The following DDX4 variants were observed in gnomAD, a reference collection of about 807,000 sequenced individuals.
DDX4 encodes the protein probable ATP-dependent RNA helicase DDX4.
Under a neutral mutation model 100.0 loss-of-function variants are expected in DDX4, and 25 were observed. The ratio of observed to expected loss-of-function variants is 0.25; its 90% CI spans 0.18 to 0.35. The LOEUF (loss-of-function observed/expected upper bound fraction) is 0.35, where lower values mean the gene tolerates loss of function less well. DDX4 is among the 10% of genes least tolerant of loss of function. The pLI, the probability that DDX4 is intolerant of heterozygous loss-of-function variation, is 1.00. For synonymous variants in DDX4, 259 were observed against 275.7 expected (o/e 0.94, Z 0.60); for missense variants, 635 against 882.4 (o/e 0.72, Z 3.55).
intron 17 of DDX4, among the ~76,000 whole-genome samples, chr5:55,793,296 G>A (rs919472767): frequency 3.3e-5 from 5 of 152,084 alleles, no homozygotes; most frequent in African/African-American, 1.2e-4. Flanking sequence ...CTGGAATGGT[G>A]ACTCTTTTTC....
At chr5:55,775,386 A>G (rs1217735143) in intron 7 of DDX4, among the ~76,000 whole-genome samples, 1 of 152,174 alleles carries the variant, frequency 6.6e-6, no homozygotes, top group African/African-American at 2.4e-5. Context: ...TTGCCGGGAG[A>G]TGGAACTAGG....
At chr5:55,788,384 A>C (rs1334517848) in intron 15 of DDX4, among the ~76,000 whole-genome samples, 1 of 152,162 alleles carries the variant, frequency 6.6e-6, no homozygotes, top group Non-Finnish European at 1.5e-5. Flanking sequence ...GTTGAGGCAG[A>C]AGGATTGTTT....
At chr5:55,763,958 G>A in intron 5 of DDX4, 56 bp from the exon 6 acceptor site, 2 of 1,250,544 alleles carry the variant, frequency 1.6e-6, no homozygotes, top group Non-Finnish European at 2.3e-6. Context: ...TTCCTGTGTG[G>A]TTATCATTTT....
chr5:55,793,509 A>G (rs746739557), intron 17 of DDX4, among the ~76,000 whole-genome samples: 4 of 152,348 alleles, frequency 2.6e-5, no homozygotes, highest in South Asian at 2.1e-4. Flanking sequence ...TAAGTTGGGA[A>G]CCATCTGTAA....
At chr5:55,798,627 T>C (rs1743111924) in intron 18 of DDX4, 56 bp downstream of exon 18, 7 of 1,488,696 alleles carry the variant, frequency 4.7e-6, no homozygotes. Flanking sequence ...TAATGAATAA[T>C]TTAAAAAATC....
At chr5:55,746,338 A>G (rs1759248368) in intron 3 of DDX4, 117 bp downstream of exon 3, 1 of 770,600 alleles carries the variant, frequency 1.3e-6, no homozygotes, top group Middle Eastern at 2.4e-4. Flanking sequence ...TTTCTTAGTG[A>G]AAGTTCCTTC....
intron 3 of DDX4, among the ~76,000 whole-genome samples, chr5:55,748,651 T>C (rs1759375572): frequency 6.6e-6 from 1 of 152,092 alleles, no homozygotes. Context: ...TATTTTTTTA[T>C]GAAAATTTTC....
intron 6 of DDX4, 59 bp downstream of exon 6, chr5:55,764,123 G>A (rs1184701962): frequency 2.4e-6 from 3 of 1,266,944 alleles, no homozygotes; most frequent in Non-Finnish European, 3.5e-6. Context: ...CTAAAAAAGA[G>A]AAATTAAGAT....
chr5:55,755,259 C>T (rs1421401676), intron 3 of DDX4, among the ~76,000 whole-genome samples: 1 of 152,014 alleles, frequency 6.6e-6, no homozygotes, highest in Non-Finnish European at 1.5e-5. Context: ...TGGGAATGCT[C>T]CCAAATTTTT....
chr5:55,770,219 C>T (rs962275841), intron 7 of DDX4, among the ~76,000 whole-genome samples: 8 of 151,916 alleles, frequency 5.3e-5, no homozygotes, highest in Non-Finnish European at 1.0e-4. Context: ...TTTTTTCCCC[C>T]CTATGATCTC....
intron 15 of DDX4, among the ~76,000 whole-genome samples, chr5:55,790,110 TAAAAA>T (rs59569512): frequency 1.4e-5 from 2 of 139,570 alleles, no homozygotes; most frequent in African/African-American, 2.6e-5. Flanking sequence ...GTATTGTAAT[TAAAAA>T]AAAAAATCAA....
intron 7 of DDX4, among the ~76,000 whole-genome samples, chr5:55,777,187 A>C (rs1401446040): frequency 6.6e-6 from 1 of 152,250 alleles, no homozygotes; most frequent in Non-Finnish European, 1.5e-5. Context: ...TGGGGAAAAC[A>C]GGACAGAAAG....
intron 10 of DDX4, chr5:55,782,215 A>T (rs933960246): frequency 1.1e-5 from 5 of 449,184 alleles, no homozygotes; most frequent in Non-Finnish European, 1.2e-5. Flanking sequence ...GGAATTATAT[A>T]CTATAGATGT....
intron 3 of DDX4, among the ~76,000 whole-genome samples, chr5:55,751,435 A>G (rs537122040): frequency 2.0e-5 from 3 of 152,128 alleles, no homozygotes; most frequent in African/African-American, 2.4e-5. Flanking sequence ...AGGTATTGCT[A>G]TGTTGCCCAG....
intron 3 of DDX4, among the ~76,000 whole-genome samples, chr5:55,754,967 G>T (rs570943170): frequency 6.6e-6 from 1 of 152,152 alleles, no homozygotes; most frequent in Non-Finnish European, 1.5e-5. Context: ...GCATAGAGGT[G>T]TTTGTAGTAT....
intron 15 of DDX4, among the ~76,000 whole-genome samples, chr5:55,789,531 A>G (rs1742430250): frequency 6.6e-6 from 1 of 152,236 alleles, no homozygotes; most frequent in African/African-American, 2.4e-5. Context: ...GGAGGCTGTA[A>G]TAGCTTTTAT....
At chr5:55,757,129 C>T (rs1183969276) in intron 3 of DDX4, among the ~76,000 whole-genome samples, 1 of 152,100 alleles carries the variant, frequency 6.6e-6, no homozygotes, top group Admixed American at 6.6e-5. Context: ...TTTTTATTTA[C>T]ATAGGTTTTT....
intron 2 of DDX4, among the ~76,000 whole-genome samples, chr5:55,744,590 A>G (rs1759154558): frequency 6.6e-6 from 1 of 152,336 alleles, no homozygotes; most frequent in South Asian, 2.1e-4. Context: ...TAATAAGTTG[A>G]ATTTTCTAAA....
chr5:55,763,341 T>C (rs17643083), intron 5 of DDX4, 89 bp downstream of exon 5: 20,251 of 853,590 alleles, frequency 0.024, 379 homozygotes, highest in Non-Finnish European at 0.031. Context: ...ACATTCCATA[T>C]TGACATTTAA....
Sources: gnomAD v4.1 joint callset for allele counts (sites outside exome capture counted in the v4.1 genomes callset) on GRCh38, gnomAD v4.1.1 for gene constraint, MANE v1.5 for transcripts, NCBI Gene and HGNC (gene_info 2026-07-23, HGNC 2026-07-21) for gene names.